PRR5: variants seen among roughly 807,000 people sequenced by gnomAD.
PRR5 encodes the protein proline rich 5.
A neutral mutation model predicts 30.6 loss-of-function variants in PRR5; 25 were observed. The ratio of observed to expected loss-of-function variants is 0.82; its 90% CI spans 0.60 to 1.14. The LOEUF is 1.14. Among genes scored for constraint, PRR5 ranks in the 50% most tolerant of loss-of-function variants. The pLI is 0.00. For missense variants in PRR5, 600 were observed against 547.1 expected (o/e 1.10, Z -0.96); for synonymous variants, 286 against 247.1 (o/e 1.16, Z -1.48).
intron 4 of PRR5, chr22:44,731,524 T>C: frequency 1.7e-6 from 1 of 595,260 alleles, no homozygotes; most frequent in Non-Finnish European, 3.0e-6. Context: ...CTGCCACATT[T>C]TATAAATGGA....
chr22:44,703,686 G>A lies in PRR5; in HGVS notation c.134+1078G>A, dbSNP rs1418633673. Among the ~76,000 whole-genome samples the A allele has an allele frequency of 2.0e-5, 3 of 152,166 alleles. No homozygotes were observed. The East Asian group carries it at 5.8e-4, about 29-fold the overall frequency. ...ACAGTGAAGGAAGGACTCCTGTTGG[G>A]AAATCTCCCTGACCCAACGACTGCA... On this transcript the variant is annotated intron_variant, in intron 1 of 7. Coordinates refer to ENST00000336985, the MANE Select transcript of PRR5 (RefSeq NM_181333.4).
chr22:44,681,225 G>A (rs752891497), intron 1 of PRR5, among the ~76,000 whole-genome samples: 9 of 152,164 alleles, frequency 5.9e-5, no homozygotes, highest in South Asian at 2.1e-4. Flanking sequence ...CTGTTCACCC[G>A]GAGGGCCAGC....
intron 6 of PRR5, among the ~76,000 whole-genome samples, chr22:44,733,663 A>G (rs1191977244): frequency 6.6e-6 from 1 of 152,144 alleles, no homozygotes; most frequent in African/African-American, 2.4e-5. Flanking sequence ...CTGGCAGGAT[A>G]GGTGAGGACT....
chr22:44,694,979 T>C (rs904204714), intron 1 of PRR5, among the ~76,000 whole-genome samples: 1 of 152,130 alleles, frequency 6.6e-6, no homozygotes. Flanking sequence ...AAAACCAGCC[T>C]GGCCGACACG....
At chr22:44,708,989 A>AG in intron 1 of PRR5, among the ~76,000 whole-genome samples, 1 of 150,118 alleles carries the variant, frequency 6.7e-6, no homozygotes, top group East Asian at 1.9e-4. Flanking sequence ...AAAAAAAAAA[A>AG]AAAAGAAGGT....
At chr22:44,727,712 A>G (rs995699591) in intron 4 of PRR5, among the ~76,000 whole-genome samples, 3 of 152,098 alleles carry the variant, frequency 2.0e-5, no homozygotes, top group African/African-American at 7.2e-5. Context: ...AAAAAGAGCT[A>G]CTAGCCCACT....
At chr22:44,685,540 G>C (rs1353424157) in intron 1 of PRR5, among the ~76,000 whole-genome samples, 1 of 147,260 alleles carries the variant, frequency 6.8e-6, no homozygotes, top group Non-Finnish European at 1.5e-5. Context: ...GCCAGTGAAA[G>C]CCACACCCCT....
chr22:44,724,486 G>C (rs1930389428), intron 2 of PRR5, among the ~76,000 whole-genome samples: 1 of 152,154 alleles, frequency 6.6e-6, no homozygotes, highest in African/African-American at 2.4e-5. Flanking sequence ...TAAAAAGTAA[G>C]ATTTCTGATG....
intron 1 of PRR5, among the ~76,000 whole-genome samples, chr22:44,711,894 T>G (rs966465394): frequency 6.6e-6 from 1 of 151,908 alleles, no homozygotes; most frequent in Non-Finnish European, 1.5e-5. Context: ...GCTGGGAGGG[T>G]GTCTGCAGCT....
intron 2 of PRR5, among the ~76,000 whole-genome samples, chr22:44,718,192 C>CTGTTTTTT (rs1555901074): frequency 1.1e-5 from 1 of 94,578 alleles, no homozygotes; most frequent in Non-Finnish European, 1.9e-5. Context: ...TTTCATCTCT[C>CTGTTTTTT]TTTTTTTTTT....
intron 1 of PRR5, among the ~76,000 whole-genome samples, chr22:44,681,198 AG>A (rs1924252601): frequency 6.6e-6 from 1 of 152,182 alleles, no homozygotes; most frequent in African/African-American, 2.4e-5. Flanking sequence ...ACATAGTAGG[AG>A]TCTGCAGGAT....
chr22:44,708,065 G>A (rs1046802082), intron 1 of PRR5, among the ~76,000 whole-genome samples: 6 of 152,130 alleles, frequency 3.9e-5, no homozygotes, highest in Non-Finnish European at 5.9e-5. Context: ...CAGGCGTGGT[G>A]GCTCATGCCT....
intron 2 of PRR5, among the ~76,000 whole-genome samples, chr22:44,715,732 A>C (rs1178670225): frequency 2.0e-5 from 3 of 152,058 alleles, no homozygotes; most frequent in Non-Finnish European, 2.9e-5. Flanking sequence ...AGCTCACTGC[A>C]ACCTCTGCCT....
At chr22:44,690,430 A>G (rs1406160538) in intron 1 of PRR5, among the ~76,000 whole-genome samples, 1 of 152,098 alleles carries the variant, frequency 6.6e-6, no homozygotes, top group Non-Finnish European at 1.5e-5. Flanking sequence ...GTTGGGGGGA[A>G]CCTGACAGAG....
intron 1 of PRR5, among the ~76,000 whole-genome samples, chr22:44,706,653 C>G (rs948327639): frequency 2.6e-5 from 4 of 152,160 alleles, no homozygotes; most frequent in African/African-American, 9.7e-5. Flanking sequence ...CTCAGTCTCC[C>G]AAGTAGCTAC....
chr22:44,729,260 T>G (rs1216921136), intron 4 of PRR5: 1 of 914,134 alleles, frequency 1.1e-6, no homozygotes, highest in African/African-American at 1.8e-5. Flanking sequence ...TGCCCTGCGC[T>G]CCTCACTGTT....
chr22:44,728,328 A>G (rs1921245493), intron 4 of PRR5, among the ~76,000 whole-genome samples: 1 of 152,170 alleles, frequency 6.6e-6, no homozygotes, highest in African/African-American at 2.4e-5. Flanking sequence ...CTGTCTTAGC[A>G]ATGTGGGGTT....
intron 2 of PRR5, among the ~76,000 whole-genome samples, chr22:44,717,910 T>G (rs1285346707): frequency 6.6e-6 from 1 of 152,010 alleles, no homozygotes; most frequent in African/African-American, 2.4e-5. Context: ...AGACGGGGTT[T>G]GTCCATGTTG....
At chr22:44,716,932 G>A (rs1929138663) in intron 2 of PRR5, among the ~76,000 whole-genome samples, 1 of 152,044 alleles carries the variant, frequency 6.6e-6, no homozygotes, top group African/African-American at 2.4e-5. Flanking sequence ...CATGGTGGCA[G>A]GCACCTGTAG....
Sources: allele counts gnomAD v4.1 joint callset (sites outside exome capture counted in the v4.1 genomes callset), GRCh38; gene constraint gnomAD v4.1.1; transcripts MANE v1.5; gene names NCBI Gene and HGNC (gene_info 2026-07-23, HGNC 2026-07-21).